Variants in RALGAPA2 observed in about 807,000 individuals in gnomAD.
RALGAPA2 encodes ral GTPase-activating protein subunit alpha-2.
A neutral mutation model predicts 230.4 loss-of-function variants in RALGAPA2; 139 were observed. The ratio of observed to expected loss-of-function variants is 0.60; its 90% CI spans 0.53 to 0.69. The LOEUF is 0.69. RALGAPA2 is among the 30% of genes least tolerant of loss of function. RALGAPA2 has a pLI of 0.00. For synonymous variants in RALGAPA2, 847 were observed against 837.8 expected (o/e 1.01, Z -0.19); for missense variants, 2,163 against 2,276.0 (o/e 0.95, Z 1.01).
chr20:20,460,235 T>A (rs1352253654), intron 37 of RALGAPA2, among the ~76,000 whole-genome samples: 7 of 152,242 alleles, frequency 4.6e-5, no homozygotes, highest in African/African-American at 1.7e-4. Context: ...TTCTTCAGTC[T>A]CATATTTATA....
chr20:20,430,521 G>T (rs1399783729), intron 37 of RALGAPA2, among the ~76,000 whole-genome samples: 1 of 152,216 alleles, frequency 6.6e-6, no homozygotes, highest in African/African-American at 2.4e-5. Context: ...CCAGTGATAA[G>T]GAGAGTAGTC....
chr20:20,712,269 TC>T lies in RALGAPA2; in HGVS notation c.106+105del. The T allele has an allele frequency of 2.9e-6, 1 of 345,338 alleles. No homozygotes were observed. Among genetic ancestry groups the T allele is most frequent in the Non-Finnish European group, 5.6e-6 (1 of 177,814 alleles). 21.4% of individuals were successfully genotyped at this position (345,338 alleles called of 1,614,324 possible). On this transcript the variant is annotated intron_variant, in intron 1 of 39. Transcript: ENST00000202677. This position sits in a 1 kb window ranked among gnomAD's most constrained non-coding sequence, Gnocchi z 5.5. ...GGGAAGGGGGTCGGACGCCCACCCA[TC>T]CCCCTCCCCAGCCTCCCAGCCACCG...
rs111554885 is a variant in RALGAPA2, at chr20:20,529,817, G to A, written c.3582+1870C>T. Among the ~76,000 whole-genome samples the A allele has an allele frequency of 3.5e-3, 540 of 152,244 alleles. 4 individuals carry two copies. Among genetic ancestry groups the A allele is most frequent in the African/African-American group, 0.013 (528 of 41,544 alleles). ...TTAGAATGTATCCCCATCACTATGC[G>A]ATGCGTGACTCTGTGTGTCTGTGTG... is the stretch of plus-strand genomic sequence containing the variant. On this transcript the variant is annotated intron_variant, in intron 27 of 39. Transcript: ENST00000202677.
At chr20:20,457,507 A>T (rs1482307107) in intron 37 of RALGAPA2, among the ~76,000 whole-genome samples, 1 of 152,198 alleles carries the variant, frequency 6.6e-6, no homozygotes, top group Non-Finnish European at 1.5e-5. Flanking sequence ...GATGACAAGG[A>T]GCTGAATTCG....
chr20:20,535,868 C>CCATG (rs1432645898), intron 25 of RALGAPA2, 65 bp from the exon 26 acceptor site: 1 of 1,503,938 alleles, frequency 6.6e-7, no homozygotes, highest in African/African-American at 1.4e-5. Context: ...CATGTTCTGA[C>CCATG]CATGTTCCAG....
chr20:20,528,140 G>GCCTACC (rs1259618065), intron 27 of RALGAPA2, among the ~76,000 whole-genome samples: 1 of 152,190 alleles, frequency 6.6e-6, no homozygotes, highest in African/African-American at 2.4e-5. Flanking sequence ...GGAAAGGTCG[G>GCCTACC]TCGGATACAG....
chr20:20,610,040 T>C (rs1169158442), intron 14 of RALGAPA2, among the ~76,000 whole-genome samples: 1 of 152,242 alleles, frequency 6.6e-6, no homozygotes, highest in Non-Finnish European at 1.5e-5. Context: ...ACAATGGCAA[T>C]ATTTAGCTTT....
At chr20:20,522,368 A>G (rs2063070644) in intron 30 of RALGAPA2, among the ~76,000 whole-genome samples, 1 of 152,226 alleles carries the variant, frequency 6.6e-6, no homozygotes, top group Non-Finnish European at 1.5e-5. Context: ...ATGTAATACT[A>G]TATATCACCA....
intron 15 of RALGAPA2, among the ~76,000 whole-genome samples, chr20:20,602,324 G>GT (rs2146212384): frequency 6.6e-6 from 1 of 152,308 alleles, no homozygotes; most frequent in East Asian, 1.9e-4. Flanking sequence ...TCAGTCAAAT[G>GT]GGCAGGATAA....
intron 23 of RALGAPA2, among the ~76,000 whole-genome samples, chr20:20,563,806 A>T (rs559012653): frequency 6.6e-6 from 1 of 152,032 alleles, no homozygotes; most frequent in South Asian, 2.1e-4. Context: ...CCTCTCCAAC[A>T]TATTTCTCAC....
At position 20,544,598 on chromosome 20, in the gene RALGAPA2, T is replaced by C. The variant is rs374002124; in HGVS notation, c.3285+2106A>G. 5.4e-3 allele frequency among the ~76,000 whole-genome samples: 829 copies of C among 152,254 alleles called. 7 individuals carry two copies. The highest frequency in any genetic ancestry group is 0.021 in the South Asian group (100 of 4,814). On this transcript the variant is annotated intron_variant, in intron 24 of 39. Transcript: ENST00000202677. ...ATGTTTATTGCAGCACTATTTACCA[T>C]AGCAAAGACTTGGAACCAACCCAAA...
At chr20:20,642,403 G>A (rs572716754) in intron 5 of RALGAPA2, among the ~76,000 whole-genome samples, 1 of 152,032 alleles carries the variant, frequency 6.6e-6, no homozygotes, top group Non-Finnish European at 1.5e-5. Flanking sequence ...TAGAGACGGG[G>A]TTTCACCATG....
intron 16 of RALGAPA2, chr20:20,598,902 T>C (rs1488914769): frequency 5.4e-6 from 2 of 370,816 alleles, no homozygotes; most frequent in African/African-American, 4.3e-5. Flanking sequence ...CTGGGCTCTC[T>C]TTAAACATTT....
intron 37 of RALGAPA2, among the ~76,000 whole-genome samples, chr20:20,456,252 T>A (rs2061116163): frequency 6.6e-6 from 1 of 152,248 alleles, no homozygotes; most frequent in Admixed American, 6.5e-5. Context: ...TTAATCCAAC[T>A]AACATCTACT....
intron 36 of RALGAPA2, among the ~76,000 whole-genome samples, chr20:20,489,769 G>A (rs1344588860): frequency 6.6e-6 from 1 of 152,208 alleles, no homozygotes; most frequent in African/African-American, 2.4e-5. Flanking sequence ...CTGTGTGCAG[G>A]AACCTAGGCA....
chr20:20,591,684 C>CCACA lies in RALGAPA2; in HGVS notation c.2204-374_2204-371dup, dbSNP rs148734336. 2.3e-3 allele frequency among the ~76,000 whole-genome samples: 344 copies of CCACA among 147,586 alleles called. 2 individuals are homozygous for CCACA. Among genetic ancestry groups the CCACA allele is most frequent in the African/African-American group, 6.5e-3 (263 of 40,426 alleles). ...ATGTACATTTGAGAAGAACAGAAAA[C>CCACA]CACACACACACACACACACACACAT... On this transcript the variant is annotated intron_variant, in intron 16 of 39. Transcript: ENST00000202677.
chr20:20,422,606 G>A (rs540330796), intron 37 of RALGAPA2, among the ~76,000 whole-genome samples: 1 of 152,152 alleles, frequency 6.6e-6, no homozygotes, highest in Non-Finnish European at 1.5e-5. Flanking sequence ...CTAGTGGTAC[G>A]CAGTGCACAC....
At chr20:20,454,406 G>A (rs1231657705) in intron 37 of RALGAPA2, among the ~76,000 whole-genome samples, 1 of 152,206 alleles carries the variant, frequency 6.6e-6, no homozygotes, top group Non-Finnish European at 1.5e-5. Context: ...GGCTCTATTG[G>A]CCACTGCTGC....
At position 20,589,297 on chromosome 20, in the gene RALGAPA2, G is replaced by C; in HGVS notation, c.2410C>G (p.His804Asp). The change falls in exon 18 of 40, where the codon CAT becomes GAT. Residue 804 changes from histidine to aspartate, a missense_variant. By Grantham distance (81) the His-to-Asp change is moderately conservative. Coordinates refer to ENST00000202677, the MANE Select transcript of RALGAPA2 (RefSeq NM_020343.4). ...ATTCCTTCATGTTCTCTCTTCACAT[G>C]TCCTTTATTCTCTTGAATAGGCTGA... The part of the protein sequence containing the change: ...EPQPIQENKG[H>D]VKREHEGITI... 1 of 1,584,794 alleles carries C rather than the reference G, an allele frequency of 6.3e-7. No homozygotes were observed. The highest frequency in any genetic ancestry group is 1.3e-5 in the African/African-American group (1 of 74,632).
Sources: gnomAD v4.1 joint callset for allele counts (sites outside exome capture counted in the v4.1 genomes callset) on GRCh38, gnomAD v4.1.1 for gene constraint, Gnocchi (gnomAD v3.1) non-coding constraint, MANE v1.5 for transcripts, NCBI Gene and HGNC (gene_info 2026-07-23, HGNC 2026-07-21) for gene names.